Variants in ANKFN1 observed in about 807,000 individuals in gnomAD.
The protein encoded by ANKFN1 is ankyrin repeat and fibronectin type-III domain-containing protein 1.
A neutral mutation model predicts 108.7 loss-of-function variants in ANKFN1; 74 were observed. The observed-to-expected ratio is 0.68, with a 90% CI of 0.56 to 0.83. The LOEUF (loss-of-function observed/expected upper bound fraction) is 0.83. ANKFN1 is among the 40% of genes least tolerant of loss of function. ANKFN1 has a pLI of 0.00. For missense variants in ANKFN1, 1,505 were observed against 1,382.3 expected, an observed-to-expected ratio of 1.09 and a Z score of -1.41; for synonymous variants, 547 against 516.2, an observed-to-expected ratio of 1.06 and a Z score of -0.81.
At chr17:56,180,400 C>T (rs537233187) in intron 1 of ANKFN1, among the ~76,000 whole-genome samples, 2 of 152,298 alleles carry the variant, frequency 1.3e-5, no homozygotes, top group African/African-American at 4.8e-5. Flanking sequence ...CCTCACATTA[C>T]CCAAATGTGC....
chr17:56,456,989 T>C, intron 12 of ANKFN1, 29 bp downstream of exon 12: 3 of 1,590,924 alleles, frequency 1.9e-6, no homozygotes. Flanking sequence ...TTTCAGGAAA[T>C]CTTAACTTTT....
chr17:56,184,407 T>C (rs1911991372), intron 1 of ANKFN1, among the ~76,000 whole-genome samples: 1 of 152,216 alleles, frequency 6.6e-6, no homozygotes, highest in Non-Finnish European at 1.5e-5. Context: ...GATATGTACA[T>C]TATTTTTTAG....
At chr17:56,184,502 G>A (rs972064895) in intron 1 of ANKFN1, among the ~76,000 whole-genome samples, 3 of 152,066 alleles carry the variant, frequency 2.0e-5, no homozygotes, top group Non-Finnish European at 2.9e-5. Flanking sequence ...AAATTAATGC[G>A]ACTTGTTTTA....
chr17:56,449,251 T>C, intron 11 of ANKFN1, 65 bp downstream of exon 11: 1 of 1,167,890 alleles, frequency 8.6e-7, no homozygotes, highest in Non-Finnish European at 1.2e-6. Context: ...ATTTTAGCAG[T>C]TTCCTAACTG....
chr17:56,156,528 G>A (rs1909138116), intron 1 of ANKFN1: 1 of 152,226 alleles, frequency 6.6e-6, no homozygotes. Context: ...CATGACCTTT[G>A]CACTATGGGC....
intron 3 of ANKFN1, among the ~76,000 whole-genome samples, chr17:56,249,598 A>G (rs780851889): frequency 6.6e-6 from 1 of 152,212 alleles, no homozygotes; most frequent in Non-Finnish European, 1.5e-5. Flanking sequence ...AAAAAATAAA[A>G]TAAAGGTTAG....
At chr17:56,428,085 T>G (rs1384832092) in intron 8 of ANKFN1, among the ~76,000 whole-genome samples, 3 of 152,006 alleles carry the variant, frequency 2.0e-5, no homozygotes, top group Middle Eastern at 6.8e-3. Flanking sequence ...ATACAAAAAA[T>G]TAGCCAGGCA....
intron 14 of ANKFN1, chr17:56,462,020 G>C (rs1413819505): frequency 6.6e-6 from 1 of 152,150 alleles, no homozygotes; most frequent in Non-Finnish European, 1.5e-5. Context: ...ATCAAGGCCT[G>C]AGTGCTGTAT....
At chr17:56,083,748 T>C (rs891703692) in intron 4 of ANKFN1, among the ~76,000 whole-genome samples, 2 of 151,364 alleles carry the variant, frequency 1.3e-5, no homozygotes, top group Admixed American at 1.3e-4. Context: ...CTAAGGTGGC[T>C]GAGGGAAAAT....
chr17:56,102,882 C>T (rs768475680), intron 4 of ANKFN1, among the ~76,000 whole-genome samples: 1 of 152,134 alleles, frequency 6.6e-6, no homozygotes, highest in South Asian at 2.1e-4. Context: ...CCCAGCCTAT[C>T]GCTAAAATAT....
intron 4 of ANKFN1, among the ~76,000 whole-genome samples, chr17:56,061,720 T>A (rs952701825): frequency 3.3e-5 from 5 of 152,190 alleles, no homozygotes; most frequent in Admixed American, 2.6e-4. Flanking sequence ...CCTCCTGGAT[T>A]TATGATTTTT....
At chr17:56,464,675 A>C (rs1276591747) in intron 14 of ANKFN1, among the ~76,000 whole-genome samples, 1 of 152,150 alleles carries the variant, frequency 6.6e-6, no homozygotes, top group Non-Finnish European at 1.5e-5. Flanking sequence ...CAGTAAAGAA[A>C]GCCCCCACCC....
At chr17:56,215,502 A>G (rs1915356238) in intron 2 of ANKFN1, among the ~76,000 whole-genome samples, 1 of 152,258 alleles carries the variant, frequency 6.6e-6, no homozygotes, top group East Asian at 1.9e-4. Context: ...GGACAAGAAC[A>G]GGAAGATGGA....
chr17:56,169,031 A>G (rs1211785293), intron 1 of ANKFN1, among the ~76,000 whole-genome samples: 1 of 152,162 alleles, frequency 6.6e-6, no homozygotes. Context: ...AATGATCCAG[A>G]AGGCAGGGGG....
At chr17:56,175,249 T>A (rs1040641476) in intron 1 of ANKFN1, among the ~76,000 whole-genome samples, 4 of 152,192 alleles carry the variant, frequency 2.6e-5, no homozygotes, top group African/African-American at 7.2e-5. Flanking sequence ...TATGACAGGG[T>A]AGGAATTTTG....
intron 8 of ANKFN1, among the ~76,000 whole-genome samples, chr17:56,401,905 A>G (rs928699357): frequency 6.6e-6 from 1 of 152,064 alleles, no homozygotes; most frequent in African/African-American, 2.4e-5. Context: ...ATCATAAAGC[A>G]ATGCTGGATT....
At position 56,511,144 on chromosome 17, in the gene ANKFN1, C is replaced by G; in HGVS notation, c.3316C>G (p.Pro1106Ala). Residue 1106 changes from proline to alanine, a missense_variant, in exon 21 of 21, where the codon CCA becomes GCA. Transcript: ENST00000682825. Reference sequence around the variant, plus strand: ...GGCCGTGGTGGCCCAGGACGAAAAACCATGGGCAAGCTTGAGCCCGCCCTC... The same window carrying G: ...GGCCGTGGTGGCCCAGGACGAAAAAGCATGGGCAAGCTTGAGCCCGCCCTC... ...AAAVVAQDEK[P>A]WASLSPPSGG... is the part of the protein sequence containing the mutation. 6.5e-7 allele frequency: 1 copy of G among 1,536,048 alleles called. No individual in the cohort carries two copies. The highest frequency in any genetic ancestry group is 1.2e-5 in the South Asian group (1 of 84,050).
At chr17:56,202,300 TCAGCC>T (rs78184277) in intron 1 of ANKFN1, among the ~76,000 whole-genome samples, 31,495 of 151,958 alleles carry the variant, frequency 0.21, 3,395 homozygotes, top group East Asian at 0.3. Flanking sequence ...TTTCTCCTCC[TCAGCC>T]TAGCCTAGAG....
chr17:56,114,085 G>A (rs2143265065), intron 4 of ANKFN1, among the ~76,000 whole-genome samples: 1 of 152,258 alleles, frequency 6.6e-6, no homozygotes, highest in South Asian at 2.1e-4. Flanking sequence ...AACCAAAACA[G>A]GGATCTGTGC....
Sources: gnomAD v4.1 joint callset for allele counts (sites outside exome capture counted in the v4.1 genomes callset) on GRCh38, gnomAD v4.1.1 for gene constraint, MANE v1.5 for transcripts, NCBI Gene and HGNC (gene_info 2026-07-23, HGNC 2026-07-21) for gene names.